Variants in RAPGEF4 observed in about 807,000 individuals in gnomAD.
RAPGEF4 encodes Rap guanine nucleotide exchange factor 4, also known as RAP guanine-nucleotide-exchange factor (GEF) 4.
Under a neutral mutation model 147.9 loss-of-function variants are expected in RAPGEF4, and 66 were observed. That is an observed-to-expected ratio of 0.45 (90% CI 0.37 to 0.55). RAPGEF4 has a LOEUF of 0.55. RAPGEF4 is among the 20% of genes least tolerant of loss of function. RAPGEF4 has a pLI of 0.00. For synonymous variants in RAPGEF4, 419 were observed against 442.7 expected, an observed-to-expected ratio of 0.95 and a Z score of 0.67; for missense variants, 1,071 against 1,257.3, an observed-to-expected ratio of 0.85 and a Z score of 2.24.
At chr2:172,879,317 A>T (rs1696337125) in intron 4 of RAPGEF4, among the ~76,000 whole-genome samples, 1 of 152,214 alleles carries the variant, frequency 6.6e-6, no homozygotes, top group African/African-American at 2.4e-5. Context: ...GGGACAATAC[A>T]TATGATTATG....
At position 172,988,780 on chromosome 2, in the gene RAPGEF4, C is replaced by T. The variant is rs1386157524; in HGVS notation, c.1315C>T (p.Arg439Ter). The change falls in exon 14 of 31, where the codon CGA becomes TGA. Residue 439 changes from arginine to a stop codon, truncating the protein, a stop_gained. Coordinates refer to ENST00000397081, the MANE Select transcript of RAPGEF4 (RefSeq NM_007023.4). LOFTEE classifies it high-confidence loss of function. ...CCCACGAGCTGCCTCTATCGTCTTA[C>T]GAGAAGATAACTGCCATTTCTTAAG... ...DAPRAASIVL[R>*]EDNCHFLRVD... is the part of the protein sequence containing the mutation. 4 of 1,612,958 alleles carry T rather than the reference C, an allele frequency of 2.5e-6. No individual in the cohort carries two copies. Among genetic ancestry groups the T allele is most frequent in the East Asian group, 2.2e-5 (1 of 44,898 alleles).
At chr2:173,043,546 G>T (rs75703536) in intron 29 of RAPGEF4, among the ~76,000 whole-genome samples, 1 of 152,208 alleles carries the variant, frequency 6.6e-6, no homozygotes, top group African/African-American at 2.4e-5. Flanking sequence ...CTTCTCTTCC[G>T]CAGTGGGAGA....
In RAPGEF4 at chr2:172,829,513, G is replaced by A. The variant is rs535288066; in HGVS notation, c.444+15088G>A. On this transcript the variant is annotated intron_variant, in intron 4 of 30. Transcript: ENST00000397081. ...CACTTGGATTTTACATTTGCAAGGC[G>A]GGTCTCTGTATGTGAATAATACGTA... Among the ~76,000 whole-genome samples, 28 of 152,232 alleles carry A rather than the reference G, an allele frequency of 1.8e-4. 1 individual carries two copies. The highest frequency in any genetic ancestry group is 1.5e-3 in the East Asian group (8 of 5,188).
chr2:172,790,281 A>G (rs1685669561), intron 1 of RAPGEF4, among the ~76,000 whole-genome samples: 1 of 152,146 alleles, frequency 6.6e-6, no homozygotes, highest in African/African-American at 2.4e-5. Flanking sequence ...TCCTTAGGCT[A>G]TTTCTTAATT....
intron 4 of RAPGEF4, among the ~76,000 whole-genome samples, chr2:172,868,561 C>G (rs1377632699): frequency 6.6e-6 from 1 of 152,084 alleles, no homozygotes; most frequent in Admixed American, 6.6e-5. Context: ...GTGAATGGTG[C>G]CTGTGCCCTC....
intron 4 of RAPGEF4, among the ~76,000 whole-genome samples, chr2:172,884,619 T>C (rs1438644074): frequency 6.6e-6 from 1 of 152,186 alleles, no homozygotes; most frequent in East Asian, 1.9e-4. Context: ...CCATACCCTC[T>C]GAGCATTTTG....
chr2:172,861,903 G>A (rs186727461), intron 4 of RAPGEF4, among the ~76,000 whole-genome samples: 98 of 152,312 alleles, frequency 6.4e-4, no homozygotes, highest in Admixed American at 1.1e-3. Flanking sequence ...CCTTGAACTT[G>A]TCCTTGTTTG....
chr2:172,877,610 C>G (rs889900123), intron 4 of RAPGEF4, among the ~76,000 whole-genome samples: 1 of 152,024 alleles, frequency 6.6e-6, no homozygotes, highest in African/African-American at 2.4e-5. Context: ...GGAACTAAAC[C>G]TTGCTTTTCT....
At chr2:172,832,030 T>C (rs1690407043) in intron 4 of RAPGEF4, among the ~76,000 whole-genome samples, 1 of 152,202 alleles carries the variant, frequency 6.6e-6, no homozygotes, top group Non-Finnish European at 1.5e-5. Context: ...CTTAATTTCA[T>C]TGTGCTGACT....
At chr2:172,755,407 T>TAAATA (rs139993926) in intron 1 of RAPGEF4, among the ~76,000 whole-genome samples, 2,291 of 152,308 alleles carry the variant, frequency 0.015, 57 homozygotes, top group African/African-American at 0.049. Flanking sequence ...ACGGTTTATT[T>TAAATA]ATTTGAGACG....
intron 4 of RAPGEF4, among the ~76,000 whole-genome samples, chr2:172,826,574 A>T (rs529040418): frequency 8.5e-5 from 13 of 152,354 alleles, no homozygotes; most frequent in Admixed American, 4.6e-4. Context: ...ATGGGATAAG[A>T]TAGTAAAATG....
chr2:172,809,348 G>A (rs1687802851), intron 3 of RAPGEF4, among the ~76,000 whole-genome samples: 1 of 152,148 alleles, frequency 6.6e-6, no homozygotes, highest in Admixed American at 6.5e-5. Context: ...CTGCCAGAGA[G>A]GAACTGGGAC....
chr2:172,907,798 G>A (rs541887941), intron 4 of RAPGEF4, among the ~76,000 whole-genome samples: 1 of 152,160 alleles, frequency 6.6e-6, no homozygotes, highest in Admixed American at 6.5e-5. Context: ...TTAATCCTTG[G>A]TTTATTGTTA....
intron 14 of RAPGEF4, among the ~76,000 whole-genome samples, chr2:172,990,240 G>A (rs1038163194): frequency 6.6e-6 from 1 of 152,252 alleles, no homozygotes; most frequent in African/African-American, 2.4e-5. Context: ...CACACAAGGA[G>A]TTTACATTCA....
At chr2:172,937,470 G>A (rs536533148) in intron 6 of RAPGEF4, among the ~76,000 whole-genome samples, 2 of 152,224 alleles carry the variant, frequency 1.3e-5, no homozygotes, top group African/African-American at 4.8e-5. Context: ...CTCAATATTA[G>A]ACTGGGGCTA....
chr2:172,982,239 G>A (rs1398422593), intron 10 of RAPGEF4, among the ~76,000 whole-genome samples: 2 of 152,144 alleles, frequency 1.3e-5, no homozygotes, highest in Non-Finnish European at 2.9e-5. Flanking sequence ...ATCATCAGTA[G>A]CTCATCAAGG....
intron 23 of RAPGEF4, 79 bp from the exon 24 acceptor site, chr2:173,026,493 C>A: frequency 6.9e-7 from 1 of 1,456,372 alleles, no homozygotes; most frequent in South Asian, 1.3e-5. Context: ...CCTTTCCCCT[C>A]AGAAACTCCT....
At chr2:172,809,800 T>C (rs1357700527) in intron 3 of RAPGEF4, among the ~76,000 whole-genome samples, 1 of 152,184 alleles carries the variant, frequency 6.6e-6, no homozygotes, top group Non-Finnish European at 1.5e-5. Flanking sequence ...CACCAAGTGC[T>C]GGTATAACAG....
intron 4 of RAPGEF4, among the ~76,000 whole-genome samples, chr2:172,900,596 A>C (rs1360044720): frequency 6.6e-6 from 1 of 152,226 alleles, no homozygotes; most frequent in African/African-American, 2.4e-5. Context: ...GAATAACACA[A>C]AGGACTTACC....
Sources: gnomAD v4.1 joint callset for allele counts (sites outside exome capture counted in the v4.1 genomes callset) on GRCh38, gnomAD v4.1.1 for gene constraint, MANE v1.5 for transcripts, NCBI Gene and HGNC (gene_info 2026-07-23, HGNC 2026-07-21) for gene names.